The following ZBTB7C variants were observed in gnomAD, a reference collection of about 807,000 sequenced individuals.
ZBTB7C encodes the protein zinc finger and BTB domain-containing protein 7C.
A neutral mutation model predicts 25.7 loss-of-function variants in ZBTB7C; 8 were observed. The ratio of observed to expected loss-of-function variants is 0.31; its 90% CI spans 0.18 to 0.56. The LOEUF (loss-of-function observed/expected upper bound fraction) is 0.56, where lower values mean the gene tolerates loss of function less well. ZBTB7C is among the 20% of genes least tolerant of loss of function. The pLI is 0.91. For synonymous variants in ZBTB7C, 394 were observed against 369.0 expected, an observed-to-expected ratio of 1.07 and a Z score of -0.78; for missense variants, 824 against 855.2, an observed-to-expected ratio of 0.96 and a Z score of 0.46.
intron 3 of ZBTB7C, among the ~76,000 whole-genome samples, chr18:48,099,774 C>G (rs1313954411): frequency 6.6e-6 from 1 of 152,250 alleles, no homozygotes; most frequent in African/African-American, 2.4e-5. Flanking sequence ...CCCCAGGCGG[C>G]TGGCAGCCTT....
At chr18:48,192,885 T>C (rs1209221152) in intron 2 of ZBTB7C, among the ~76,000 whole-genome samples, 1 of 152,164 alleles carries the variant, frequency 6.6e-6, no homozygotes, top group African/African-American at 2.4e-5. Context: ...TGCAAAGGGA[T>C]GTGTTGTAAG....
intron 2 of ZBTB7C, among the ~76,000 whole-genome samples, chr18:48,307,393 C>T (rs2045700861): frequency 6.6e-6 from 1 of 152,256 alleles, no homozygotes; most frequent in South Asian, 2.1e-4. Flanking sequence ...AACTTCCTTT[C>T]CTAGCTGAAA....
At chr18:48,074,350 G>T (rs550200072) in intron 3 of ZBTB7C, among the ~76,000 whole-genome samples, 79 of 152,292 alleles carry the variant, frequency 5.2e-4, no homozygotes, top group African/African-American at 1.4e-3. Flanking sequence ...TCCATCTGGG[G>T]GGCAGTCATT....
At position 48,040,649 on chromosome 18, in the gene ZBTB7C, G is replaced by GTCC. The variant is rs780986005; in HGVS notation, c.456_458dup (p.Glu152dup). On this transcript the variant is annotated inframe_insertion, in exon 4 of 5. Coordinates refer to ENST00000590800, the MANE Select transcript of ZBTB7C (RefSeq NM_001318841.2). ...CCTCCTCTTCCTCCTCCTCCTCTTCGTCCTCCTCATCATCATCATCTTCGT... is the reference window on the plus strand; with the variant it reads ...CCTCCTCTTCCTCCTCCTCCTCTTCGTCCTCCTCCTCATCATCATCATCTTCGT... 10 of 1,612,778 alleles carry GTCC rather than the reference G, an allele frequency of 6.2e-6. No individual in the cohort carries two copies. The highest frequency in any genetic ancestry group is 7.6e-6 in the Non-Finnish European group (9 of 1,179,368).
At chr18:48,348,897 G>A (rs1441931463) in intron 1 of ZBTB7C, among the ~76,000 whole-genome samples, 1 of 152,194 alleles carries the variant, frequency 6.6e-6, no homozygotes, top group African/African-American at 2.4e-5. Context: ...CCTGGGGAGG[G>A]CCGGTTTCCA....
chr18:48,364,615 C>T (rs1381981082), intron 1 of ZBTB7C, among the ~76,000 whole-genome samples: 2 of 152,120 alleles, frequency 1.3e-5, no homozygotes, highest in Non-Finnish European at 2.9e-5. Flanking sequence ...ATTGATGGGG[C>T]TTTTGCATTT....
Position 48,167,603 on chromosome 18 carries a change from CGT to C in ZBTB7C, c.-17+18329_-17+18330del, listed in dbSNP as rs370516172. Among the ~76,000 whole-genome samples, 98 of 65,810 alleles carry C rather than the reference CGT, an allele frequency of 1.5e-3. 1 individual carries two copies. Among genetic ancestry groups the C allele is most frequent in the African/African-American group, 3.9e-3 (96 of 24,726 alleles). The allele number at this position is 65,810 out of a possible 152,430, so 43.2% of individuals were successfully genotyped here. A position where few individuals can be genotyped will look rare whatever the true frequency, so the allele number is the denominator to read the frequency against. On this transcript the variant is annotated intron_variant, in intron 3 of 4. Transcript: ENST00000590800. ...GTGTGTGTGTGTGTGTGTGTGCGCGCGTGCACACGCGCATGCGCCAGTAGACT... is the reference window on the plus strand; with the variant it reads ...GTGTGTGTGTGTGTGTGTGTGCGCGCGCACACGCGCATGCGCCAGTAGACT...
intron 4 of ZBTB7C, among the ~76,000 whole-genome samples, chr18:48,030,383 A>T (rs1187446426): frequency 6.6e-6 from 1 of 152,152 alleles, no homozygotes; most frequent in Non-Finnish European, 1.5e-5. Context: ...CCCTGGTCCC[A>T]TCCCAGCCCC....
At chr18:48,406,554 C>T (rs916661177) in intron 1 of ZBTB7C, among the ~76,000 whole-genome samples, 7 of 152,156 alleles carry the variant, frequency 4.6e-5, no homozygotes, top group Non-Finnish European at 1.0e-4. Context: ...TGAAAGGCAT[C>T]GTAACACTGT....
At chr18:48,187,373 C>G (rs1568288273) in intron 2 of ZBTB7C, among the ~76,000 whole-genome samples, 1 of 152,134 alleles carries the variant, frequency 6.6e-6, no homozygotes, top group Non-Finnish European at 1.5e-5. Flanking sequence ...TTTATTTAGC[C>G]TTAAAGTGGA....
At chr18:48,195,343 A>G (rs541779338) in intron 2 of ZBTB7C, among the ~76,000 whole-genome samples, 1 of 152,216 alleles carries the variant, frequency 6.6e-6, no homozygotes, top group Admixed American at 6.5e-5. Context: ...ATGTGGTGGG[A>G]GGTAATTGAA....
intron 1 of ZBTB7C, among the ~76,000 whole-genome samples, chr18:48,390,309 T>C (rs1296899129): frequency 6.6e-6 from 1 of 152,212 alleles, no homozygotes; most frequent in African/African-American, 2.4e-5. Flanking sequence ...GTATCATTTT[T>C]TGCTTAGTAA....
At chr18:48,157,411 C>T (rs965305376) in intron 3 of ZBTB7C, among the ~76,000 whole-genome samples, 6 of 152,078 alleles carry the variant, frequency 3.9e-5, no homozygotes, top group African/African-American at 9.7e-5. Flanking sequence ...GATGAGGAAA[C>T]GGAGACAAAC....
chr18:48,200,629 G>A (rs770323900), intron 2 of ZBTB7C, among the ~76,000 whole-genome samples: 34 of 152,136 alleles, frequency 2.2e-4, no homozygotes, highest in South Asian at 4.1e-4. Flanking sequence ...ACAGATGCCC[G>A]TCAACAGGAA....
intron 3 of ZBTB7C, among the ~76,000 whole-genome samples, chr18:48,167,595 TGTGCGC>T (rs2041305945): frequency 1.3e-5 from 2 of 150,190 alleles, no homozygotes; most frequent in South Asian, 2.1e-4. Context: ...TGTGTGTGTG[TGTGCGC>T]GCGTGCACAC....
At chr18:48,250,256 C>A (rs1335497249) in intron 2 of ZBTB7C, among the ~76,000 whole-genome samples, 1 of 152,162 alleles carries the variant, frequency 6.6e-6, no homozygotes. Context: ...TCTTTCCCAT[C>A]TTCCCCTTGG....
intron 3 of ZBTB7C, among the ~76,000 whole-genome samples, chr18:48,138,428 G>C (rs1209060497): frequency 6.6e-6 from 1 of 152,226 alleles, no homozygotes; most frequent in Non-Finnish European, 1.5e-5. Flanking sequence ...GAAAGGTCGG[G>C]TCTCTCTCTG....
intron 3 of ZBTB7C, among the ~76,000 whole-genome samples, chr18:48,062,341 G>T (rs2037158815): frequency 6.6e-6 from 1 of 152,006 alleles, no homozygotes; most frequent in Admixed American, 6.6e-5. Context: ...GGAGGACCTG[G>T]ATTAGCTGGA....
chr18:48,245,088 G>GTATATATATATATATATATATATA (rs1384990097), intron 2 of ZBTB7C, among the ~76,000 whole-genome samples: 3 of 43,648 alleles, frequency 6.9e-5, no homozygotes, highest in African/African-American at 2.2e-4. Context: ...TAGTGTGTGT[G>GTATATATATATATATATATATATA]TGTGTATATA....
Sources: allele counts gnomAD v4.1 joint callset (sites outside exome capture counted in the v4.1 genomes callset), GRCh38; gene constraint gnomAD v4.1.1; transcripts MANE v1.5; gene names NCBI Gene and HGNC (gene_info 2026-07-23, HGNC 2026-07-21).